Variants in TMPRSS11E observed in about 807,000 individuals in gnomAD.
TMPRSS11E encodes the protein transmembrane serine protease 11E, also known as transmembrane protease serine 11E.
A neutral mutation model predicts 48.1 loss-of-function variants in TMPRSS11E; 38 were observed. The ratio of observed to expected loss-of-function variants is 0.79; its 90% CI spans 0.61 to 1.04. The LOEUF (loss-of-function observed/expected upper bound fraction) is 1.04. Ranked by LOEUF, TMPRSS11E falls within the 50% of genes least tolerant of loss-of-function variation. The pLI, the probability that TMPRSS11E is intolerant of heterozygous loss-of-function variation, is 0.00. For synonymous variants in TMPRSS11E, 158 were observed against 171.9 expected, an observed-to-expected ratio of 0.92 and a Z score of 0.63; for missense variants, 530 against 510.8, an observed-to-expected ratio of 1.04 and a Z score of -0.36.
At chr4:68,456,766 A>G (rs1728643296) in intron 1 of TMPRSS11E, among the ~76,000 whole-genome samples, 1 of 152,166 alleles carries the variant, frequency 6.6e-6, no homozygotes, top group Admixed American at 6.5e-5. Context: ...ATCTGCAACC[A>G]TCTGATCTTT....
intron 6 of TMPRSS11E, 55 bp downstream of exon 6, chr4:68,474,816 T>C: frequency 6.9e-7 from 1 of 1,441,214 alleles, no homozygotes; most frequent in Non-Finnish European, 9.6e-7. Flanking sequence ...AAGCTAACAC[T>C]ATAGGTCATT....
rs767558904 is a variant in TMPRSS11E at position 68,496,825 on chromosome 4, C to T, written c.*21C>T. 2 of 1,581,074 alleles carry T rather than the reference C, an allele frequency of 1.3e-6. No homozygotes were observed. The highest frequency in any genetic ancestry group is 1.7e-6 in the Non-Finnish European group (2 of 1,167,432). ...TCTAAGAGAGAAAAGCCTCATGGAACAGATAACATTTTTTTTTGTTTTTTG... is the reference window on the plus strand; with the variant it reads ...TCTAAGAGAGAAAAGCCTCATGGAATAGATAACATTTTTTTTTGTTTTTTG... On this transcript the variant is annotated 3_prime_UTR_variant, in exon 10 of 10. Transcript: ENST00000305363.
intron 9 of TMPRSS11E, among the ~76,000 whole-genome samples, chr4:68,481,850 T>G (rs1275935694): frequency 6.6e-6 from 1 of 152,102 alleles, no homozygotes; most frequent in Admixed American, 6.6e-5. Context: ...TTGGAAATTA[T>G]GAGGCAGGAG....
intron 1 of TMPRSS11E, among the ~76,000 whole-genome samples, chr4:68,451,773 C>T (rs1337827535): frequency 6.6e-6 from 1 of 151,816 alleles, no homozygotes; most frequent in African/African-American, 2.4e-5. Context: ...ACTCATTTTA[C>T]AGATGAGAAA....
chr4:68,463,641 C>A (rs565530602), intron 2 of TMPRSS11E, among the ~76,000 whole-genome samples: 1 of 152,254 alleles, frequency 6.6e-6, no homozygotes, highest in South Asian at 2.1e-4. Context: ...GCTGGAATAA[C>A]TTTATAGTTC....
At position 68,496,167 on chromosome 4, in the gene TMPRSS11E, T is replaced by C. The variant is rs138363247; in HGVS notation, c.1111-476T>C. 3.4e-3 allele frequency among the ~76,000 whole-genome samples: 518 copies of C among 152,262 alleles called. 3 individuals are homozygous for C. Among genetic ancestry groups the C allele is most frequent in the African/African-American group, 0.012 (500 of 41,568 alleles). ...TTACAGATAAATAAATTAAAGGTCT[T>C]AGCCAGCATGGAAAGGCCAAACTTG... On this transcript the variant is annotated intron_variant, in intron 9 of 9. Transcript: ENST00000305363.
At chr4:68,494,715 T>C (rs1729821573) in intron 9 of TMPRSS11E, among the ~76,000 whole-genome samples, 1 of 152,186 alleles carries the variant, frequency 6.6e-6, no homozygotes, top group African/African-American at 2.4e-5. Flanking sequence ...AATATAATAA[T>C]TGGTACCTTT....
chr4:68,455,822 T>C (rs975433168), intron 1 of TMPRSS11E, among the ~76,000 whole-genome samples: 2 of 152,024 alleles, frequency 1.3e-5, no homozygotes, highest in African/African-American at 4.8e-5. Context: ...ATAAAGTTGC[T>C]CAGGTAATGC....
At chr4:68,478,798 T>A (rs370613027) in intron 8 of TMPRSS11E, 51 bp from the exon 9 acceptor site, 5 of 1,590,692 alleles carry the variant, frequency 3.1e-6, no homozygotes, top group Non-Finnish European at 4.3e-6. Context: ...TTTCTTCAAG[T>A]TTATAAAATA....
intron 1 of TMPRSS11E, among the ~76,000 whole-genome samples, chr4:68,460,702 T>G (rs1317048704): frequency 6.6e-6 from 1 of 152,216 alleles, no homozygotes; most frequent in Non-Finnish European, 1.5e-5. Context: ...TAGTCATCTC[T>G]GACTTATTAT....
At chr4:68,491,306 A>AAAAAAAT (rs1729716130) in intron 9 of TMPRSS11E, among the ~76,000 whole-genome samples, 1 of 74,714 alleles carries the variant, frequency 1.3e-5, no homozygotes, top group Non-Finnish European at 4.2e-5. Flanking sequence ...AAGCAAAAAA[A>AAAAAAAT]AAAAAAAAAA....
Position 68,477,531 on chromosome 4 carries a change from A to G in TMPRSS11E, c.870A>G (p.Thr290=). 6.2e-7 allele frequency: 1 copy of G among 1,614,126 alleles called. No individual in the cohort carries two copies. The highest frequency in any genetic ancestry group is 8.5e-7 in the Non-Finnish European group (1 of 1,179,984). Residue 290 remains threonine, a synonymous_variant, in exon 8 of 10, where the codon ACA becomes ACG. Transcript: ENST00000305363. ...AGCTTTCTAGCCCTGTTCCCTACAC[A>G]AATGCAGTACATAGAGTTTGTCTCC... is the stretch of plus-strand genomic sequence containing the variant. ...LAELSSPVPY[T]NAVHRVCLPD...
At chr4:68,493,843 C>G (rs1404409359) in intron 9 of TMPRSS11E, among the ~76,000 whole-genome samples, 3 of 152,060 alleles carry the variant, frequency 2.0e-5, no homozygotes, top group African/African-American at 7.2e-5. Context: ...TTGCCTTGCT[C>G]TTTATATTTT....
At chr4:68,460,626 A>C (rs1265527714) in intron 1 of TMPRSS11E, among the ~76,000 whole-genome samples, 1 of 152,198 alleles carries the variant, frequency 6.6e-6, no homozygotes, top group African/African-American at 2.4e-5. Flanking sequence ...AAAAGAAAAA[A>C]GCATAGCACA....
At chr4:68,457,704 T>A (rs1348417238) in intron 1 of TMPRSS11E, among the ~76,000 whole-genome samples, 1 of 152,050 alleles carries the variant, frequency 6.6e-6, no homozygotes, top group African/African-American at 2.4e-5. Flanking sequence ...AATGATAGAC[T>A]GGATAAAGAA....
At position 68,471,260 on chromosome 4, in the gene TMPRSS11E, CCT is replaced by C. The variant is rs530396593; in HGVS notation, c.327-192_327-191del. On this transcript the variant is annotated intron_variant, in intron 4 of 9. Coordinates refer to ENST00000305363, the MANE Select transcript of TMPRSS11E (RefSeq NM_014058.4). ...CTTTTCTTTTCTTTCTCTCTCTCTC[CCT>C]CTCTCTCCTTCCTCCCCTCCATTCC... Among the ~76,000 whole-genome samples the C allele has an allele frequency of 1.0e-3, 155 of 147,932 alleles. 1 individual carries two copies. The highest frequency in any genetic ancestry group is 2.0e-3 in the Non-Finnish European group (131 of 66,490).
Position 68,474,491 on chromosome 4 carries a change from A to G in TMPRSS11E, c.491-232A>G, listed in dbSNP as rs149014986. ...TACTGGGAAGGTGAACAGGAGTTTC[A>G]TTATAAATATGCTTCCTATGTGACT... On this transcript the variant is annotated intron_variant, in intron 5 of 9. Transcript: ENST00000305363. Among the ~76,000 whole-genome samples, 1,325 of 152,288 alleles carry G rather than the reference A, an allele frequency of 8.7e-3. 8 individuals are homozygous for G. The highest frequency in any genetic ancestry group is 0.025 in the South Asian group (123 of 4,824).
intron 1 of TMPRSS11E, among the ~76,000 whole-genome samples, chr4:68,458,799 C>T (rs1184222390): frequency 1.3e-5 from 2 of 152,006 alleles, no homozygotes; most frequent in African/African-American, 4.8e-5. Flanking sequence ...GGGAAAAGAA[C>T]AAATAATGTT....
intron 1 of TMPRSS11E, among the ~76,000 whole-genome samples, chr4:68,448,900 A>G (rs1283271100): frequency 4.0e-5 from 6 of 151,864 alleles, no homozygotes; most frequent in Non-Finnish European, 7.4e-5. Context: ...TAAGTTTATT[A>G]TTCACATTTG....
Sources: allele counts gnomAD v4.1 joint callset (sites outside exome capture counted in the v4.1 genomes callset), GRCh38; gene constraint gnomAD v4.1.1; transcripts MANE v1.5; gene names NCBI Gene and HGNC (gene_info 2026-07-23, HGNC 2026-07-21).